Variants in MRPL42 observed in about 807,000 individuals in gnomAD.
MRPL42 encodes large ribosomal subunit protein mL42.
Under a neutral mutation model 17.9 loss-of-function variants are expected in MRPL42, and 17 were observed. The ratio of observed to expected loss-of-function variants is 0.95; its 90% CI spans 0.65 to 1.42. The LOEUF (loss-of-function observed/expected upper bound fraction) is 1.42. Among genes scored for constraint, MRPL42 ranks in the 40% most tolerant of loss-of-function variants. The pLI, the probability that MRPL42 is intolerant of heterozygous loss-of-function variation, is 0.00. For synonymous variants in MRPL42, 59 were observed against 54.4 expected (o/e 1.08, Z -0.37); for missense variants, 177 against 175.2 (o/e 1.01, Z -0.06).
At position 93,502,760 on chromosome 12, in the gene MRPL42, G is replaced by T. The variant is rs1303210133; in HGVS notation, c.*1539G>T. 1 of 152,162 alleles carries T rather than the reference G, an allele frequency of 6.6e-6. No homozygotes were observed. The highest frequency in any genetic ancestry group is 1.5e-5 in the Non-Finnish European group (1 of 68,018). The allele number at this position is 152,162 out of a possible 1,614,324, so 9.4% of individuals were successfully genotyped here. A position where few individuals can be genotyped will look rare whatever the true frequency, so the allele number is the denominator to read the frequency against. On this transcript the variant is annotated 3_prime_UTR_variant, in exon 6 of 6. Transcript: ENST00000549982. ...CTTAGCTATGTTATAAATGTAGAAA[G>T]AAGTGAAAAATCAAAATATGATTAT...
chr12:93,506,722 A>G lies in MRPL42; in HGVS notation c.*5501A>G, dbSNP rs1394225620. Reference sequence around the variant, plus strand: ...TATGACCATCCCTTCTTTCCCCTCTAGTCAAAATTAGTCTCTTCTTCACTC... The same window carrying G: ...TATGACCATCCCTTCTTTCCCCTCTGGTCAAAATTAGTCTCTTCTTCACTC... On this transcript the variant is annotated 3_prime_UTR_variant, in exon 6 of 6. Coordinates refer to ENST00000549982, the MANE Select transcript of MRPL42 (RefSeq NM_014050.4). The G allele has an allele frequency of 6.6e-6, 1 of 152,082 alleles. No individual in the cohort carries two copies. The highest frequency in any genetic ancestry group is 1.5e-5 in the Non-Finnish European group (1 of 68,006). The allele number at this position is 152,082 out of a possible 1,614,324, so 9.4% of individuals were successfully genotyped here. A position where few individuals can be genotyped will look rare whatever the true frequency, so the allele number is the denominator to read the frequency against.
intron 5 of MRPL42, among the ~76,000 whole-genome samples, chr12:93,494,637 G>C (rs61934349): frequency 0.18 from 27,034 of 152,080 alleles, 3,310 homozygotes; most frequent in African/African-American, 0.35. Flanking sequence ...GGATATGTAA[G>C]TCTAGAGGTC....
In MRPL42 at chr12:93,515,335, A is replaced by G. The variant is rs1388400520; in HGVS notation, c.*14114A>G. The G allele has an allele frequency of 2.6e-5, 4 of 151,352 alleles. No individual in the cohort carries two copies. The highest frequency in any genetic ancestry group is 9.7e-5 in the African/African-American group (4 of 41,126). The allele number at this position is 151,352 out of a possible 1,614,324, so 9.4% of individuals were successfully genotyped here. On this transcript the variant is annotated 3_prime_UTR_variant, in exon 6 of 6. Coordinates refer to ENST00000549982, the MANE Select transcript of MRPL42 (RefSeq NM_014050.4). ...GGGGACCAAGAAATGCCAGAGATAC[A>G]TAGGAAGTAAAAATTAATAGGCCTT...
chr12:93,487,357 C>A, intron 4 of MRPL42, 140 bp from the exon 5 acceptor site: 1 of 683,148 alleles, frequency 1.5e-6, no homozygotes, highest in Non-Finnish European at 2.3e-6. Context: ...CTAAGTGAAA[C>A]TTTGTTTTGA....
In MRPL42 at chr12:93,505,889, A is replaced by AAC. The variant is rs1343273570; in HGVS notation, c.*4669_*4670dup. ...AATTACATGTGAGAATAGCAAGTAG[A>AAC]ACCTTATGATTACTTCTGAGTCTTT... On this transcript the variant is annotated 3_prime_UTR_variant, in exon 6 of 6. Transcript: ENST00000549982. The AAC allele has an allele frequency of 1.3e-5, 2 of 152,232 alleles. No homozygotes were observed. The highest frequency in any genetic ancestry group is 4.9e-5 in the African/African-American group (2 of 41,142). The allele number at this position is 152,232 out of a possible 1,614,324, so 9.4% of individuals were successfully genotyped here. A position where few individuals can be genotyped will look rare whatever the true frequency, so the allele number is the denominator to read the frequency against.
In MRPL42 at chr12:93,510,635, T is replaced by G. The variant is rs1953717395; in HGVS notation, c.*9414T>G. On this transcript the variant is annotated 3_prime_UTR_variant, in exon 6 of 6. Transcript: ENST00000549982. ...TGTTAGTGTTCTGAATTTTGGCCAT[T>G]CTAAAAGGTGTGTAGTGGTGTCTCA... 6.6e-6 allele frequency: 1 copy of G among 152,206 alleles called. No homozygotes were observed. Among genetic ancestry groups the G allele is most frequent in the Non-Finnish European group, 1.5e-5 (1 of 68,034 alleles). 9.4% of individuals were successfully genotyped at this position (152,206 alleles called of 1,614,324 possible).
chr12:93,473,424 G>A (rs926667211), intron 2 of MRPL42, among the ~76,000 whole-genome samples: 1 of 151,178 alleles, frequency 6.6e-6, no homozygotes, highest in African/African-American at 2.4e-5. Flanking sequence ...ACCATGTCTG[G>A]TTATTTATTT....
At chr12:93,500,269 G>A (rs1953565034) in intron 5 of MRPL42, among the ~76,000 whole-genome samples, 1 of 152,026 alleles carries the variant, frequency 6.6e-6, no homozygotes, top group Admixed American at 6.6e-5. Context: ...GCTAGAAGAG[G>A]AATTACTAGG....
At chr12:93,500,451 G>T (rs1408429620) in intron 5 of MRPL42, among the ~76,000 whole-genome samples, 1 of 152,062 alleles carries the variant, frequency 6.6e-6, no homozygotes, top group East Asian at 1.9e-4. Context: ...AAAAACAAAA[G>T]GTTCCTCACT....
rs1880352695 is a variant in MRPL42, at chr12:93,479,473, G to A, written c.219+1G>A. 1 of 1,596,754 alleles carries A rather than the reference G, an allele frequency of 6.3e-7. No individual in the cohort carries two copies. The stretch of plus-strand genomic sequence containing the variant: ...GGACATTCCATATGAACACACAAAA[G>A]TATGTATGAGAAAATTTCTTGCAGT... On this transcript the variant is annotated splice_donor_variant, in intron 4 of 5. Transcript: ENST00000549982. LOFTEE classifies it high-confidence loss of function.
rs934182491 is a variant in MRPL42, at chr12:93,500,987, A to G, written c.384-189A>G. On this transcript the variant is annotated intron_variant, in intron 5 of 5. Coordinates refer to ENST00000549982, the MANE Select transcript of MRPL42 (RefSeq NM_014050.4). ...CAGTCTCTAGAAAAAAAAAATGATT[A>G]GGTAAAGAAAAGAAAACAAATTTTC... 24 of 488,388 alleles carry G rather than the reference A, an allele frequency of 4.9e-5. No individual in the cohort carries two copies. In the African/African-American group the frequency reaches 4.9e-4, roughly 10 times the overall value. 30.3% of individuals were successfully genotyped at this position (488,388 alleles called of 1,614,324 possible).
At chr12:93,477,128 T>C (rs2121186812) in intron 3 of MRPL42, 111 bp downstream of exon 3, 2 of 783,096 alleles carry the variant, frequency 2.6e-6, no homozygotes, top group Non-Finnish European at 3.9e-6. Context: ...TATTCTTTCC[T>C]TAATTTTGTT....
At position 93,511,451 on chromosome 12, in the gene MRPL42, CTT is replaced by C. The variant is rs1953724873; in HGVS notation, c.*10231_*10232del. The C allele has an allele frequency of 6.6e-6, 1 of 152,170 alleles. No individual in the cohort carries two copies. Among genetic ancestry groups the C allele is most frequent in the East Asian group, 1.9e-4 (1 of 5,184 alleles). 9.4% of individuals were successfully genotyped at this position (152,170 alleles called of 1,614,324 possible). A position where few individuals can be genotyped will look rare whatever the true frequency, so the allele number is the denominator to read the frequency against. ...AATCTTATATATAGACAATAATTGT[CTT>C]AATAATAATCAGCATCAAAGATTCT... On this transcript the variant is annotated 3_prime_UTR_variant, in exon 6 of 6. Coordinates refer to ENST00000549982, the MANE Select transcript of MRPL42 (RefSeq NM_014050.4).
At chr12:93,485,604 A>G (rs977336792) in intron 4 of MRPL42, among the ~76,000 whole-genome samples, 4 of 152,230 alleles carry the variant, frequency 2.6e-5, no homozygotes, top group Admixed American at 2.6e-4. Context: ...TCAGATTTTC[A>G]TTGTATTATA....
intron 2 of MRPL42, among the ~76,000 whole-genome samples, chr12:93,475,587 T>G (rs1463295231): frequency 6.6e-6 from 1 of 152,208 alleles, no homozygotes; most frequent in Admixed American, 6.5e-5. Flanking sequence ...CAAGGTGCAT[T>G]CAAAACTTGC....
At chr12:93,487,948 C>T (rs1266647523) in intron 5 of MRPL42, 2 of 272,222 alleles carry the variant, frequency 7.3e-6, no homozygotes, top group Admixed American at 1.1e-4. Context: ...AGGCATGTGC[C>T]ACCACACCTG....
At chr12:93,488,755 A>C (rs964949607) in intron 5 of MRPL42, among the ~76,000 whole-genome samples, 2 of 152,178 alleles carry the variant, frequency 1.3e-5, no homozygotes, top group Admixed American at 6.5e-5. Context: ...TGACTCTGGC[A>C]TTAATTAGTT....
chr12:93,494,237 A>G (rs900724850), intron 5 of MRPL42, among the ~76,000 whole-genome samples: 6 of 152,316 alleles, frequency 3.9e-5, no homozygotes, highest in Middle Eastern at 6.8e-3. Flanking sequence ...TGTTAACAGT[A>G]GGTTACTCTG....
chr12:93,492,446 T>G (rs1953432961), intron 5 of MRPL42, among the ~76,000 whole-genome samples: 1 of 152,206 alleles, frequency 6.6e-6, no homozygotes, highest in Admixed American at 6.5e-5. Context: ...TCTGTTCATG[T>G]TCCCTAGCCC....
Sources: gnomAD v4.1 joint callset for allele counts (sites outside exome capture counted in the v4.1 genomes callset) on GRCh38, gnomAD v4.1.1 for gene constraint, MANE v1.5 for transcripts, NCBI Gene and HGNC (gene_info 2026-07-23, HGNC 2026-07-21) for gene names.